SPATA6: variants seen among roughly 807,000 people sequenced by gnomAD.
The protein encoded by SPATA6 is spermatogenesis-associated protein 6.
Under a neutral mutation model 65.3 loss-of-function variants are expected in SPATA6, and 56 were observed. The ratio of observed to expected loss-of-function variants is 0.86; its 90% CI spans 0.69 to 1.07. The LOEUF is 1.07. Ranked by LOEUF, SPATA6 falls within the 50% of genes least tolerant of loss-of-function variation. SPATA6 has a pLI of 0.00. For synonymous variants in SPATA6, 199 were observed against 213.2 expected (o/e 0.93, Z 0.58); for missense variants, 590 against 594.8 (o/e 0.99, Z 0.08).
At chr1:48,438,531 C>T (rs1655159696) in intron 3 of SPATA6, among the ~76,000 whole-genome samples, 2 of 152,082 alleles carry the variant, frequency 1.3e-5, no homozygotes, top group Admixed American at 6.5e-5. Flanking sequence ...CAGGCTGAGC[C>T]GACGGTCAAC....
rs149129296 is a variant in SPATA6, at chr1:48,454,142, T to C, written c.52-1011A>G. Among the ~76,000 whole-genome samples the C allele has an allele frequency of 2.4e-4, 37 of 151,996 alleles. No individual in the cohort carries two copies. In the East Asian group the frequency reaches 6.6e-3, roughly 27 times the overall value. ...GAAATATAGGCAAAAAAATGTGTGG[T>C]TATTAAATAACACATAGCACAGTCT... On this transcript the variant is annotated intron_variant, in intron 1 of 12. Coordinates refer to ENST00000371847, the MANE Select transcript of SPATA6 (RefSeq NM_019073.4).
At chr1:48,315,714 A>G (rs2148683056) in intron 11 of SPATA6, among the ~76,000 whole-genome samples, 1 of 152,340 alleles carries the variant, frequency 6.6e-6, no homozygotes, top group South Asian at 2.1e-4. Flanking sequence ...AGAAGGAAAT[A>G]AAGGGTATTC....
intron 1 of SPATA6, among the ~76,000 whole-genome samples, chr1:48,463,586 T>C (rs755929059): frequency 6.6e-6 from 1 of 152,096 alleles, no homozygotes; most frequent in Non-Finnish European, 1.5e-5. Flanking sequence ...AGAAAAAATA[T>C]TGCAAATTGC....
intron 3 of SPATA6, among the ~76,000 whole-genome samples, chr1:48,445,659 C>CA (rs10632587): frequency 0.056 from 2,893 of 51,254 alleles, 915 homozygotes; most frequent in African/African-American, 0.2. Context: ...GACTCTGTCT[C>CA]AAAAAAAAAA....
intron 1 of SPATA6, among the ~76,000 whole-genome samples, chr1:48,469,167 A>C (rs1283615553): frequency 1.3e-5 from 2 of 152,180 alleles, no homozygotes; most frequent in Non-Finnish European, 2.9e-5. Context: ...ATGCTGAAGT[A>C]CTTACAGGTG....
At chr1:48,313,062 G>A (rs1016738597) in intron 11 of SPATA6, among the ~76,000 whole-genome samples, 18 of 152,288 alleles carry the variant, frequency 1.2e-4, no homozygotes, top group African/African-American at 4.3e-4. Context: ...CCAAATCTGT[G>A]TCTGATTGGT....
At chr1:48,291,156 C>T (rs1016981811), downstream of SPATA6, among the ~76,000 whole-genome samples, 1 of 152,162 alleles carries the variant, frequency 6.6e-6, no homozygotes, top group African/African-American at 2.4e-5. Flanking sequence ...TCTCTCAGAC[C>T]CTGTGAGGGT....
In SPATA6 at chr1:48,298,641, A is replaced by G; in HGVS notation, c.*72T>C. ...CCATTTTTTTTAAAAAAAGGAATACAGATATTGATCACATCAAACATTTTC... is the reference window on the plus strand; with the variant it reads ...CCATTTTTTTTAAAAAAAGGAATACGGATATTGATCACATCAAACATTTTC... On this transcript the variant is annotated 3_prime_UTR_variant, in exon 13 of 13. Coordinates refer to ENST00000371847, the MANE Select transcript of SPATA6 (RefSeq NM_019073.4). 9 of 1,413,936 alleles carry G rather than the reference A, an allele frequency of 6.4e-6. No homozygotes were observed. Among genetic ancestry groups the G allele is most frequent in the Non-Finnish European group, 8.6e-6 (9 of 1,047,324 alleles). The allele number at this position is 1,413,936 out of a possible 1,614,324, so 87.6% of individuals were successfully genotyped here.
rs1383309684 is a variant in SPATA6, at chr1:48,411,607, A to T, written c.281-19T>A. 4 of 1,521,206 alleles carry T rather than the reference A, an allele frequency of 2.6e-6. No homozygotes were observed. Among genetic ancestry groups the T allele is most frequent in the Non-Finnish European group, 3.5e-6 (4 of 1,133,772 alleles). 94.2% of individuals were successfully genotyped at this position (1,521,206 alleles called of 1,614,324 possible). ...TCACCCACTACAAGAAAGATACCCT[A>T]TGATTCAAATTATAATAAAATATTC... is the stretch of plus-strand genomic sequence containing the variant. On this transcript the variant is annotated intron_variant, in intron 4 of 12. Transcript: ENST00000371847.
chr1:48,436,299 C>A, intron 3 of SPATA6: 1 of 1,613,436 alleles, frequency 6.2e-7, no homozygotes. Context: ...TGATTCTATC[C>A]CACTTTTTCC....
chr1:48,432,444 AC>A (rs941085394), intron 3 of SPATA6, among the ~76,000 whole-genome samples: 5 of 152,150 alleles, frequency 3.3e-5, no homozygotes, highest in African/African-American at 4.8e-5. Flanking sequence ...CTAAAACGAA[AC>A]CAAAAAAAAA....
At chr1:48,425,893 G>A (rs924851069) in intron 3 of SPATA6, among the ~76,000 whole-genome samples, 1 of 151,726 alleles carries the variant, frequency 6.6e-6, no homozygotes, top group Non-Finnish European at 1.5e-5. Context: ...TTCATAACTG[G>A]TGTAAGCAAA....
chr1:48,327,784 A>T (rs1011238018), intron 11 of SPATA6, among the ~76,000 whole-genome samples: 17 of 152,186 alleles, frequency 1.1e-4, no homozygotes, highest in Non-Finnish European at 2.4e-4. Context: ...GGACACAAAG[A>T]TGAAAAGAAT....
intron 8 of SPATA6, among the ~76,000 whole-genome samples, chr1:48,388,424 A>G (rs936316849): frequency 2.6e-5 from 4 of 152,208 alleles, no homozygotes; most frequent in African/African-American, 4.8e-5. Flanking sequence ...AGGACAAAGA[A>G]AAAATGAAAA....
At chr1:48,400,774 A>C in intron 6 of SPATA6, 1 of 1,297,594 alleles carries the variant, frequency 7.7e-7, no homozygotes, top group South Asian at 1.3e-5. Flanking sequence ...CATACAGACC[A>C]GTTGCATCAG....
chr1:48,281,627 G>C, the SPATA6 span, among the ~76,000 whole-genome samples: 2 of 151,296 alleles, frequency 1.3e-5, no homozygotes, highest in African/African-American at 4.8e-5. Flanking sequence ...CAACTTACAA[G>C]GGACGTGAAG....
chr1:48,414,896 T>C (rs1191707363), intron 3 of SPATA6, among the ~76,000 whole-genome samples: 3 of 151,806 alleles, frequency 2.0e-5, no homozygotes, highest in East Asian at 1.9e-4. Context: ...TACTAAATCA[T>C]GAATTTTGAA....
intron 8 of SPATA6, chr1:48,393,247 C>T (rs900117324): frequency 1.3e-5 from 2 of 152,054 alleles, no homozygotes; most frequent in Non-Finnish European, 2.9e-5. Flanking sequence ...TGGAGAAATA[C>T]CACATACCTC....
At chr1:48,338,970 G>A (rs1328333420) in intron 11 of SPATA6, among the ~76,000 whole-genome samples, 4 of 152,008 alleles carry the variant, frequency 2.6e-5, no homozygotes, top group South Asian at 2.1e-4. Context: ...GCTGGTCTCT[G>A]TCATAGAGCT....
Sources: allele counts gnomAD v4.1 joint callset (sites outside exome capture counted in the v4.1 genomes callset), GRCh38; gene constraint gnomAD v4.1.1; transcripts MANE v1.5; gene names NCBI Gene and HGNC (gene_info 2026-07-23, HGNC 2026-07-21).